PRR30: variants seen among roughly 807,000 people sequenced by gnomAD.
PRR30 encodes proline rich 30, also known as proline-rich protein 30.
For synonymous variants in PRR30, 229 were observed against 222.7 expected (o/e 1.03, Z -0.25); for missense variants, 546 against 525.3 (o/e 1.04, Z -0.39).
chr2:27,138,983 T>C lies in PRR30; in HGVS notation c.-379A>G, dbSNP rs760380759. The C allele has an allele frequency of 6.6e-6, 1 of 152,592 alleles. No homozygotes were observed. 9.5% of individuals were successfully genotyped at this position (152,592 alleles called of 1,614,324 possible). A position where few individuals can be genotyped will look rare whatever the true frequency, so the allele number is the denominator to read the frequency against. On this transcript the variant is annotated 5_prime_UTR_variant, in exon 2 of 3. Transcript: ENST00000335524. ...GAGCGCTCTTACCAATGAGAACTCC[T>C]CTGGGCTGTGTTTCACAGGCACTTC... is the stretch of plus-strand genomic sequence containing the variant.
chr2:27,137,790 C>G lies in PRR30; in HGVS notation c.540G>C (p.Gln180His). 1.2e-6 allele frequency: 2 copies of G among 1,608,224 alleles called. No homozygotes were observed. Among genetic ancestry groups the G allele is most frequent in the Non-Finnish European group, 1.7e-6 (2 of 1,176,004 alleles). ...HSNRQTWRWHQYRDTGSGSPG... is the reference protein window; with the variant it reads ...HSNRQTWRWHHYRDTGSGSPG... ...GGGACCCGGACCCAGTGTCCCTGTA[C>G]TGATGCCAGCGCCATGTCTGCCTGT... is the stretch of plus-strand genomic sequence containing the variant. The change falls in exon 3 of 3, where the codon CAG (glutamine) becomes CAC (histidine). Residue 180 changes from glutamine to histidine, a missense_variant. Gln to His is a conservative substitution (Grantham distance 24). Coordinates refer to ENST00000335524, the MANE Select transcript of PRR30 (RefSeq NM_178553.4). This position sits in a 1 kb window ranked among gnomAD's most constrained non-coding sequence, Gnocchi z 4.3.
rs1672526724 is a variant in PRR30 at position 27,137,238 on chromosome 2, G to T, written c.1092C>A (p.Gly364=). Residue 364 remains glycine (G), a synonymous_variant, in exon 3 of 3, where the codon GGC becomes GGA. Transcript: ENST00000335524. The surrounding 1 kb of genome is among the most constrained non-coding windows in gnomAD (Gnocchi z 4.3). ...ATCGTGGGGAGTTTGGTGATTGAAG[G>T]CCTGCAGACCTGAAGCTCCTGGTCT... ...PSQTRSFRSA[G]LQSPNSPRCF... 6.2e-7 allele frequency: 1 copy of T among 1,614,236 alleles called. No individual in the cohort carries two copies. Among genetic ancestry groups the T allele is most frequent in the East Asian group, 2.2e-5 (1 of 44,882 alleles).
In PRR30 at chr2:27,138,498, G is replaced by A. The variant is rs1203631552; in HGVS notation, c.-169C>T. ...GTGCAGGTGCTGGTGGCAGGCCAAG[G>A]GGATACCCAGCCCTCCAGCACCAGG... On this transcript the variant is annotated 5_prime_UTR_variant, in exon 3 of 3. Transcript: ENST00000335524. 1.0e-5 allele frequency: 14 copies of A among 1,351,384 alleles called. No individual in the cohort carries two copies. Among genetic ancestry groups the A allele is most frequent in the Non-Finnish European group, 6.9e-6 (7 of 1,018,080 alleles). The allele number at this position is 1,351,384 out of a possible 1,614,324, so 83.7% of individuals were successfully genotyped here.
Position 27,138,204 on chromosome 2 carries a change from C to A in PRR30, c.126G>T (p.Gln42His). ...PHNLQPLSPH[Q>H]GLPPSQPPFS... Reference sequence around the variant, plus strand: ...ACGGTGGTTGAGAGGGAGGGAGGCCCTGATGGGGAGAGAGAGGCTGTAGGT... The same window carrying A: ...ACGGTGGTTGAGAGGGAGGGAGGCCATGATGGGGAGAGAGAGGCTGTAGGT... Residue 42 changes from glutamine (Q) to histidine (H), a missense_variant, in exon 3 of 3, where the codon CAG (glutamine) becomes CAT (histidine). Physicochemically the swap from Gln to His is conservative, Grantham distance 24. Transcript: ENST00000335524. 1.2e-6 allele frequency: 2 copies of A among 1,613,682 alleles called. No individual in the cohort carries two copies. The highest frequency in any genetic ancestry group is 1.7e-6 in the Non-Finnish European group (2 of 1,179,814).
In PRR30 at chr2:27,138,308, G is replaced by C; in HGVS notation, c.22C>G (p.Gln8Glu). Reference protein sequence around the residue: MLPQNKDQVLPQTSVLPG... With the variant: MLPQNKDEVLPQTSVLPG... ...AGCACTGAGGTCTGTGGCAGCACCT[G>C]GTCCTTGTTTTGAGGCAACATCGCC... The change falls in exon 3 of 3, where the codon CAG becomes GAG. Residue 8 changes from glutamine to glutamate, a missense_variant. Gln to Glu is a conservative substitution (Grantham distance 29, BLOSUM62 2). Coordinates refer to ENST00000335524, the MANE Select transcript of PRR30 (RefSeq NM_178553.4). 6.2e-7 allele frequency: 1 copy of C among 1,602,438 alleles called. No individual in the cohort carries two copies. Among genetic ancestry groups the C allele is most frequent in the South Asian group, 1.1e-5 (1 of 90,470 alleles).
rs762025138 is a variant in PRR30 at position 27,138,221 on chromosome 2, G to A, written c.109C>T (p.Pro37Ser). The A allele has an allele frequency of 6.2e-7, 1 of 1,613,932 alleles. No homozygotes were observed. Among genetic ancestry groups the A allele is most frequent in the African/African-American group, 1.3e-5 (1 of 75,016 alleles). ...LVDSSPHNLQ[P>S]LSPHQGLPPS... ...GGGAGGCCCTGATGGGGAGAGAGAGGCTGTAGGTTGTGAGGAGAGGAGTCC... is the reference window on the plus strand; with the variant it reads ...GGGAGGCCCTGATGGGGAGAGAGAGACTGTAGGTTGTGAGGAGAGGAGTCC... The change falls in exon 3 of 3, where the codon CCT becomes TCT. Residue 37 changes from proline to serine, a missense_variant. Pro to Ser is a moderately conservative substitution (Grantham distance 74, BLOSUM62 -1). Transcript: ENST00000335524.
In PRR30 at chr2:27,137,722, G is replaced by A; in HGVS notation, c.608C>T (p.Ala203Val). 6.2e-7 allele frequency: 1 copy of A among 1,614,042 alleles called. No individual in the cohort carries two copies. The highest frequency in any genetic ancestry group is 8.5e-7 in the Non-Finnish European group (1 of 1,180,022). The change falls in exon 3 of 3, where the codon GCA becomes GTA. Residue 203 changes from alanine (A) to valine (V), a missense_variant. Coordinates refer to ENST00000335524, the MANE Select transcript of PRR30 (RefSeq NM_178553.4). The surrounding 1 kb of genome is among the most constrained non-coding windows in gnomAD (Gnocchi z 4.3). ...ERCVPSEKDPAQFRDPGALAQ... is the reference protein window; with the variant it reads ...ERCVPSEKDPVQFRDPGALAQ... Reference sequence around the variant, plus strand: ...CAGGGCCCCTGGGTCCCTGAACTGTGCAGGATCCTTCTCGCTTGGCACGCA... The same window carrying A: ...CAGGGCCCCTGGGTCCCTGAACTGTACAGGATCCTTCTCGCTTGGCACGCA...
chr2:27,137,768 A>C lies in PRR30; in HGVS notation c.562T>G (p.Ser188Ala). The C allele has an allele frequency of 6.2e-7, 1 of 1,613,298 alleles. No homozygotes were observed. The highest frequency in any genetic ancestry group is 8.5e-7 in the Non-Finnish European group (1 of 1,179,480). ...WHQYRDTGSG[S>A]PGVVERCVPS... ...ACGCATCTCTCCACCACTCCAGGGGACCCGGACCCAGTGTCCCTGTACTGA... is the reference window on the plus strand; with the variant it reads ...ACGCATCTCTCCACCACTCCAGGGGCCCCGGACCCAGTGTCCCTGTACTGA... The change falls in exon 3 of 3, where the codon TCC (serine) becomes GCC (alanine). Residue 188 changes from serine to alanine, a missense_variant. Transcript: ENST00000335524. This position sits in a 1 kb window ranked among gnomAD's most constrained non-coding sequence, Gnocchi z 4.3.
At position 27,137,268 on chromosome 2, in the gene PRR30, G is replaced by C. The variant is rs757471317; in HGVS notation, c.1062C>G (p.Pro354=). The change falls in exon 3 of 3, where the codon CCC becomes CCG. Residue 354 remains proline, a synonymous_variant. Transcript: ENST00000335524. The surrounding 1 kb of genome is among the most constrained non-coding windows in gnomAD (Gnocchi z 4.3). The part of the protein sequence containing the change: ...QARADPVPGT[P]SQTRSFRSAG... ...CAGACCTGAAGCTCCTGGTCTGGGA[G>C]GGTGTGCCTGGGACTGGGTCGGCCC... 4 of 1,614,118 alleles carry C rather than the reference G, an allele frequency of 2.5e-6. No homozygotes were observed. The Admixed American group carries it at 5.0e-5, about 20-fold the overall frequency.
Position 27,137,338 on chromosome 2 carries a change from C to A in PRR30, c.992G>T (p.Cys331Phe). ...CTGAGATGCTGGCAATTGATGCCCA[C>A]AGGCCTGAGTAGCCTTGCCCTGAGG... ...AGPQGKATQA[C>F]GHQLPASQPP... Residue 331 changes from cysteine to phenylalanine, a missense_variant, in exon 3 of 3, where the codon TGT becomes TTT. Transcript: ENST00000335524. The surrounding 1 kb of genome is among the most constrained non-coding windows in gnomAD (Gnocchi z 4.3). The A allele has an allele frequency of 6.2e-7, 1 of 1,614,218 alleles. No individual in the cohort carries two copies. The highest frequency in any genetic ancestry group is 8.5e-7 in the Non-Finnish European group (1 of 1,180,036).
chr2:27,137,061 G>T lies in PRR30; in HGVS notation c.*30C>A. The T allele has an allele frequency of 6.2e-7, 1 of 1,602,648 alleles. No homozygotes were observed. Among genetic ancestry groups the T allele is most frequent in the Non-Finnish European group, 8.5e-7 (1 of 1,172,566 alleles). Reference sequence around the variant, plus strand: ...GTTGGGAGGGTTGGGTTTGGAGGGGGTGTTCCAGGGGGCCTCCGTGGCTCT... The same window carrying T: ...GTTGGGAGGGTTGGGTTTGGAGGGGTTGTTCCAGGGGGCCTCCGTGGCTCT... On this transcript the variant is annotated 3_prime_UTR_variant, in exon 3 of 3. Coordinates refer to ENST00000335524, the MANE Select transcript of PRR30 (RefSeq NM_178553.4). The surrounding 1 kb of genome is among the most constrained non-coding windows in gnomAD (Gnocchi z 4.3).
At position 27,137,548 on chromosome 2, in the gene PRR30, G is replaced by A. The variant is rs758035861; in HGVS notation, c.782C>T (p.Pro261Leu). The A allele has an allele frequency of 1.3e-6, 2 of 1,588,290 alleles. No individual in the cohort carries two copies. The highest frequency in any genetic ancestry group is 1.7e-5 in the Admixed American group (1 of 57,956). ...ICLVCLRPRSPSCPLPRYRTG... is the reference protein window; with the variant it reads ...ICLVCLRPRSLSCPLPRYRTG... ...CCTGTACCTGGGGAGGGGGCAGGAGGGGCTGCGGGGCCGGAGGCACACCAG... is the reference window on the plus strand; with the variant it reads ...CCTGTACCTGGGGAGGGGGCAGGAGAGGCTGCGGGGCCGGAGGCACACCAG... Residue 261 changes from proline (P) to leucine (L), a missense_variant, in exon 3 of 3, where the codon CCC becomes CTC. Pro to Leu is a moderately conservative substitution (Grantham distance 98, BLOSUM62 -3). Transcript: ENST00000335524. The surrounding 1 kb of genome is among the most constrained non-coding windows in gnomAD (Gnocchi z 4.3).
chr2:27,137,402 A>AGGCCCTGGCCT lies in PRR30; in HGVS notation c.917_927dup (p.Leu310ArgfsTer84). Reference sequence around the variant, plus strand: ...GGCCTTTTCTCGGGCAGCAGATGCAAGGCCCTGGCCTGGCCCTGAGGCAGG... The same window carrying AGGCCCTGGCCT: ...GGCCTTTTCTCGGGCAGCAGATGCAAGGCCCTGGCCTGGCCCTGGCCTGGCCCTGAGGCAGG... On this transcript the variant is annotated frameshift_variant, in exon 3 of 3. Transcript: ENST00000335524. LOFTEE classifies it low-confidence loss of function (END_TRUNC). The surrounding 1 kb of genome is among the most constrained non-coding windows in gnomAD (Gnocchi z 4.3). The AGGCCCTGGCCT allele has an allele frequency of 1.2e-6, 2 of 1,613,698 alleles. No individual in the cohort carries two copies. Among genetic ancestry groups the AGGCCCTGGCCT allele is most frequent in the Non-Finnish European group, 8.5e-7 (1 of 1,180,010 alleles).
chr2:27,137,991 G>C lies in PRR30; in HGVS notation c.339C>G (p.Pro113=), dbSNP rs1672546840. 1.2e-6 allele frequency: 2 copies of C among 1,612,516 alleles called. No individual in the cohort carries two copies. Among genetic ancestry groups the C allele is most frequent in the Middle Eastern group, 3.3e-4 (2 of 6,062 alleles). The change falls in exon 3 of 3, where the codon CCC becomes CCG. Residue 113 remains proline (P), a synonymous_variant. Coordinates refer to ENST00000335524, the MANE Select transcript of PRR30 (RefSeq NM_178553.4). This position sits in a 1 kb window ranked among gnomAD's most constrained non-coding sequence, Gnocchi z 4.3. ...LSLPRPRASS[P]SNHWLYPSPP... Reference sequence around the variant, plus strand: ...GAGAGGGGTACAGCCAGTGGTTGGAGGGAGAGGATGCACGTGGACGGGGGA... The same window carrying C: ...GAGAGGGGTACAGCCAGTGGTTGGACGGAGAGGATGCACGTGGACGGGGGA...
rs763423591 is a variant in PRR30 at position 27,137,779 on chromosome 2, G to A, written c.551C>T (p.Thr184Ile). Residue 184 changes from threonine (T) to isoleucine (I), a missense_variant, in exon 3 of 3, where the codon ACT becomes ATT. Thr to Ile is a moderately conservative substitution (Grantham distance 89). Transcript: ENST00000335524. The surrounding 1 kb of genome is among the most constrained non-coding windows in gnomAD (Gnocchi z 4.3). Reference protein sequence around the residue: ...QTWRWHQYRDTGSGSPGVVER... With the variant: ...QTWRWHQYRDIGSGSPGVVER... The stretch of plus-strand genomic sequence containing the variant: ...CACCACTCCAGGGGACCCGGACCCA[G>A]TGTCCCTGTACTGATGCCAGCGCCA... 5 of 1,613,354 alleles carry A rather than the reference G, an allele frequency of 3.1e-6. No homozygotes were observed. The highest frequency in any genetic ancestry group is 4.2e-6 in the Non-Finnish European group (5 of 1,179,496).
At position 27,137,216 on chromosome 2, in the gene PRR30, G is replaced by T; in HGVS notation, c.1114C>A (p.Arg372=). The T allele has an allele frequency of 6.2e-7, 1 of 1,614,218 alleles. No homozygotes were observed. The highest frequency in any genetic ancestry group is 1.1e-5 in the South Asian group (1 of 91,086). ...SAGLQSPNSP[R]CFSGPPPRAP... ...CGAGGTGGAGGCCCGGAGAAACATCGTGGGGAGTTTGGTGATTGAAGGCCT... is the reference window on the plus strand; with the variant it reads ...CGAGGTGGAGGCCCGGAGAAACATCTTGGGGAGTTTGGTGATTGAAGGCCT... Residue 372 remains arginine, a synonymous_variant, in exon 3 of 3, where the codon CGA becomes AGA. Transcript: ENST00000335524. This position sits in a 1 kb window ranked among gnomAD's most constrained non-coding sequence, Gnocchi z 4.3.
rs1452295363 is a variant in PRR30, at chr2:27,137,979, C to A, written c.351G>T (p.Trp117Cys). Residue 117 changes from tryptophan to cysteine, a missense_variant, in exon 3 of 3, where the codon TGG (tryptophan) becomes TGT (cysteine). Transcript: ENST00000335524. This position sits in a 1 kb window ranked among gnomAD's most constrained non-coding sequence, Gnocchi z 4.3. ...RPRASSPSNH[W>C]LYPSPPLTPS... ...GGGTCAGAGGGGGAGAGGGGTACAG[C>A]CAGTGGTTGGAGGGAGAGGATGCAC... is the stretch of plus-strand genomic sequence containing the variant. 6.2e-6 allele frequency: 10 copies of A among 1,610,748 alleles called. No homozygotes were observed. Among genetic ancestry groups the A allele is most frequent in the Non-Finnish European group, 8.5e-6 (10 of 1,178,722 alleles).
rs1419558903 is a variant in PRR30, at chr2:27,138,056, GGA to G, written c.272_273del (p.Leu91ProfsTer63). ...DFAPHPYSPS[L>X]PSSPTFFHQN... ...TGGTGAAAGAAAGTAGGGGAACTTG[GGA>G]GAGAGGGAGAATAGGGATGTGGAGC... On this transcript the variant is annotated frameshift_variant, in exon 3 of 3. Coordinates refer to ENST00000335524, the MANE Select transcript of PRR30 (RefSeq NM_178553.4). LOFTEE classifies it low-confidence loss of function (END_TRUNC). The G allele has an allele frequency of 6.2e-7, 1 of 1,614,028 alleles. No individual in the cohort carries two copies. Among genetic ancestry groups the G allele is most frequent in the Non-Finnish European group, 8.5e-7 (1 of 1,180,016 alleles).
At position 27,137,616 on chromosome 2, in the gene PRR30, T is replaced by A. The variant is rs140809845; in HGVS notation, c.714A>T (p.Leu238=). 9 of 1,611,356 alleles carry A rather than the reference T, an allele frequency of 5.6e-6. No individual in the cohort carries two copies. In the African/African-American group the frequency reaches 1.2e-4, roughly 22 times the overall value. The change falls in exon 3 of 3, where the codon CTA becomes CTT. Residue 238 remains leucine, a synonymous_variant. Transcript: ENST00000335524. The surrounding 1 kb of genome is among the most constrained non-coding windows in gnomAD (Gnocchi z 4.3). ...CGACTGGGGCCTGGCCGGTTCTGCC[T>A]AGCCACAGGTGCTGCAAAAGCAGTA... ...LRLLLLQHLW[L]GRTGQAPVVE... is the part of the protein sequence containing the mutation.
Sources: gnomAD v4.1 joint callset for allele counts on GRCh38, gnomAD v4.1.1 for gene constraint, Gnocchi (gnomAD v3.1) non-coding constraint, MANE v1.5 for transcripts, NCBI Gene and HGNC (gene_info 2026-07-23, HGNC 2026-07-21) for gene names.